Variants in ASIC2 observed in about 807,000 individuals in gnomAD.
ASIC2 encodes the protein acid sensing ion channel subunit 2.
In ASIC2, 25 loss-of-function variants were observed where a neutral mutation model predicts 57.3. The ratio of observed to expected loss-of-function variants is 0.44; its 90% CI spans 0.32 to 0.61. ASIC2 has a LOEUF of 0.61. Ranked by LOEUF, ASIC2 falls within the 20% of genes least tolerant of loss-of-function variation. The pLI, the probability that ASIC2 is intolerant of heterozygous loss-of-function variation, is 0.06. For missense variants in ASIC2, 641 were observed against 738.1 expected, an observed-to-expected ratio of 0.87 and a Z score of 1.52; for synonymous variants, 319 against 307.5, an observed-to-expected ratio of 1.04 and a Z score of -0.39.
intron 1 of ASIC2, among the ~76,000 whole-genome samples, chr17:33,520,203 C>A (rs1281057618): frequency 6.6e-6 from 1 of 152,072 alleles, no homozygotes; most frequent in African/African-American, 2.4e-5. Flanking sequence ...GGGTAATAAT[C>A]CTGTTGTGAT....
intron 3 of ASIC2, among the ~76,000 whole-genome samples, chr17:33,039,771 C>A (rs1158660833): frequency 6.6e-6 from 1 of 152,130 alleles, no homozygotes; most frequent in African/African-American, 2.4e-5. Context: ...AAAGCAAAAC[C>A]TTCCACTGGA....
intron 1 of ASIC2, among the ~76,000 whole-genome samples, chr17:33,662,135 C>A (rs372225119): frequency 6.6e-6 from 1 of 152,162 alleles, no homozygotes; most frequent in Non-Finnish European, 1.5e-5. Context: ...CATTATTACT[C>A]TCATCTTAAA....
At chr17:33,019,839 TGA>T (rs150027308) in intron 7 of ASIC2, among the ~76,000 whole-genome samples, 15 of 148,714 alleles carry the variant, frequency 1.0e-4, no homozygotes, top group Admixed American at 2.0e-4. Context: ...GGGATCTGTG[TGA>T]GAGAGAGAGA....
At chr17:33,285,305 A>T (rs896798117) in intron 1 of ASIC2, among the ~76,000 whole-genome samples, 1 of 152,226 alleles carries the variant, frequency 6.6e-6, no homozygotes, top group Non-Finnish European at 1.5e-5. Flanking sequence ...GAAGTCAAAT[A>T]ACTGGTGGAG....
chr17:34,102,537 A>T (rs1486203464), intron 1 of ASIC2, among the ~76,000 whole-genome samples: 1 of 152,076 alleles, frequency 6.6e-6, no homozygotes, highest in African/African-American at 2.4e-5. Context: ...ACATTTTCCC[A>T]TTCTATAACC....
chr17:33,334,316 A>T (rs1374055986), intron 1 of ASIC2, among the ~76,000 whole-genome samples: 2 of 152,224 alleles, frequency 1.3e-5, no homozygotes, highest in African/African-American at 4.8e-5. Context: ...TAAGAAAGTC[A>T]TTAAAGGAGT....
At chr17:33,137,074 A>C (rs1011931296) in intron 1 of ASIC2, among the ~76,000 whole-genome samples, 4 of 152,186 alleles carry the variant, frequency 2.6e-5, no homozygotes, top group Non-Finnish European at 4.4e-5. Flanking sequence ...CATTTCTAAC[A>C]GTTATTGTTC....
chr17:33,266,177 C>T (rs1349645475), intron 1 of ASIC2, among the ~76,000 whole-genome samples: 1 of 152,212 alleles, frequency 6.6e-6, no homozygotes, highest in East Asian at 1.9e-4. Context: ...CACAGTCACT[C>T]AATCACCCTT....
intron 1 of ASIC2, among the ~76,000 whole-genome samples, chr17:33,207,631 C>T (rs1907115132): frequency 6.6e-6 from 1 of 152,224 alleles, no homozygotes; most frequent in South Asian, 2.1e-4. Flanking sequence ...CCTGCCCATA[C>T]CGCCTTGGAC....
At chr17:33,315,123 T>TG (rs1485507397) in intron 1 of ASIC2, among the ~76,000 whole-genome samples, 2 of 152,182 alleles carry the variant, frequency 1.3e-5, no homozygotes, top group Non-Finnish European at 2.9e-5. Flanking sequence ...ATCTGTATAA[T>TG]GGGGGTAACA....
At chr17:33,523,166 C>T (rs760021065) in intron 1 of ASIC2, among the ~76,000 whole-genome samples, 1 of 152,236 alleles carries the variant, frequency 6.6e-6, no homozygotes, top group Non-Finnish European at 1.5e-5. Flanking sequence ...GCAATGGACT[C>T]ACTGTCTTTG....
intron 1 of ASIC2, among the ~76,000 whole-genome samples, chr17:33,583,463 AC>A (rs1238365401): frequency 3.9e-5 from 6 of 152,336 alleles, no homozygotes; most frequent in African/African-American, 1.4e-4. Flanking sequence ...CGCAGTGGGC[AC>A]TGTGCTATCT....
intron 1 of ASIC2, among the ~76,000 whole-genome samples, chr17:33,243,312 A>T (rs1424592575): frequency 6.6e-6 from 1 of 152,194 alleles, no homozygotes; most frequent in Non-Finnish European, 1.5e-5. Context: ...AAATAGATTG[A>T]AGTAAACAAA....
At chr17:33,399,226 G>C (rs1455673421) in intron 1 of ASIC2, among the ~76,000 whole-genome samples, 4 of 152,066 alleles carry the variant, frequency 2.6e-5, no homozygotes, top group African/African-American at 9.7e-5. Flanking sequence ...ACTGCCCCTG[G>C]GCTCTACTTA....
At chr17:33,516,361 TGA>T (rs747375148) in intron 1 of ASIC2, among the ~76,000 whole-genome samples, 3 of 150,546 alleles carry the variant, frequency 2.0e-5, no homozygotes, top group Admixed American at 6.6e-5. Context: ...TGTGTGTGTG[TGA>T]GTGTGAGTGT....
intron 1 of ASIC2, among the ~76,000 whole-genome samples, chr17:33,578,535 T>A (rs1028122914): frequency 6.6e-6 from 1 of 152,152 alleles, no homozygotes; most frequent in African/African-American, 2.4e-5. Context: ...ATAGACAAAA[T>A]GGCTAAGGGA....
intron 8 of ASIC2, among the ~76,000 whole-genome samples, chr17:33,016,614 T>C (rs1037705921): frequency 2.6e-5 from 4 of 151,666 alleles, no homozygotes; most frequent in Non-Finnish European, 2.9e-5. Flanking sequence ...ACTGATGTGG[T>C]TTTGGGGTCA....
intron 1 of ASIC2, among the ~76,000 whole-genome samples, chr17:33,469,250 G>A (rs1414641595): frequency 6.6e-6 from 1 of 152,216 alleles, no homozygotes; most frequent in Non-Finnish European, 1.5e-5. Flanking sequence ...GCACAGACTG[G>A]GGTGGACAAA....
Position 33,349,911 on chromosome 17 carries a change from C to T in ASIC2, c.556-237844G>A, listed in dbSNP as rs567111581. Among the ~76,000 whole-genome samples the T allele has an allele frequency of 2.1e-5, 3 of 144,594 alleles. No homozygotes were observed. In the South Asian group the frequency reaches 7.5e-4, roughly 36 times the overall value. 94.9% of individuals were successfully genotyped at this position (144,594 alleles called of 152,430 possible). ...GTAGTCGGCACTCAAAATTTAAGAA[C>T]AATTTATGAAAAAAAAAGCCTTGAT... On this transcript the variant is annotated intron_variant, in intron 1 of 9. Transcript: ENST00000359872.
Sources: allele counts gnomAD v4.1 joint callset (sites outside exome capture counted in the v4.1 genomes callset), GRCh38; gene constraint gnomAD v4.1.1; transcripts MANE v1.5; gene names NCBI Gene and HGNC (gene_info 2026-07-23, HGNC 2026-07-21).